The following SGCZ variants were observed in gnomAD, a reference collection of about 807,000 sequenced individuals.
SGCZ encodes sarcoglycan zeta.
In SGCZ, 40 loss-of-function variants were observed where a neutral mutation model predicts 41.3. The observed-to-expected ratio is 0.97, with a 90% CI of 0.75 to 1.26. The LOEUF is 1.26. Ranked by LOEUF, SGCZ falls within the 50% of genes most tolerant of loss-of-function variation. SGCZ has a pLI of 0.00. For synonymous variants in SGCZ, 206 were observed against 137.5 expected (o/e 1.50, Z -3.49); for missense variants, 552 against 369.8 (o/e 1.49, Z -4.04).
In SGCZ at chr8:14,127,802, G is replaced by C. The variant is rs905858073; in HGVS notation, c.548-19567C>G. On this transcript the variant is annotated intron_variant, in intron 5 of 7. Coordinates refer to ENST00000382080, the MANE Select transcript of SGCZ (RefSeq NM_139167.4). ...TTATTTTATAATTGGAGATACATGT[G>C]AAGGGTTATTACATAGGTAAACTCA... Among the ~76,000 whole-genome samples, 7 of 152,168 alleles carry C rather than the reference G, an allele frequency of 4.6e-5. No individual in the cohort carries two copies. In the South Asian group the frequency reaches 1.5e-3, roughly 32 times the overall value.
At chr8:14,920,357 C>T (rs1799554394) in intron 1 of SGCZ, among the ~76,000 whole-genome samples, 1 of 152,174 alleles carries the variant, frequency 6.6e-6, no homozygotes, top group South Asian at 2.1e-4. Flanking sequence ...CACTGTCTGC[C>T]TTACAAAGAA....
chr8:14,690,242 T>C (rs1462481181), intron 1 of SGCZ: 1 of 152,074 alleles, frequency 6.6e-6, no homozygotes, highest in Non-Finnish European at 1.5e-5. Context: ...AAATAATTCG[T>C]ATATCTTAAG....
In SGCZ at chr8:14,965,692, G is replaced by A. The variant is rs76144078; in HGVS notation, c.39+271893C>T. Among the ~76,000 whole-genome samples, 363 of 152,028 alleles carry A rather than the reference G, an allele frequency of 2.4e-3. 5 individuals carry two copies. The East Asian group carries it at 0.025, about 10-fold the overall frequency. ...CATTAAGTGGAGAAAATATAATATGGACAATTTGAATAATACTACCAATAA... is the reference window on the plus strand; with the variant it reads ...CATTAAGTGGAGAAAATATAATATGAACAATTTGAATAATACTACCAATAA... On this transcript the variant is annotated intron_variant, in intron 1 of 7. Transcript: ENST00000382080.
At chr8:14,784,868 C>G (rs1800704922) in intron 1 of SGCZ, among the ~76,000 whole-genome samples, 1 of 118,794 alleles carries the variant, frequency 8.4e-6, no homozygotes, top group African/African-American at 3.3e-5. Context: ...TGCCATTGCA[C>G]TCCAACTTGG....
intron 3 of SGCZ, among the ~76,000 whole-genome samples, chr8:14,305,305 T>C (rs1466655698): frequency 1.3e-5 from 2 of 152,082 alleles, no homozygotes; most frequent in African/African-American, 4.8e-5. Context: ...GCCACAGAAA[T>C]AACATTTTTT....
At chr8:14,546,402 A>T (rs1378963805) in intron 2 of SGCZ, among the ~76,000 whole-genome samples, 2 of 152,218 alleles carry the variant, frequency 1.3e-5, no homozygotes, top group Admixed American at 6.5e-5. Context: ...CTACTCAGCA[A>T]AATATAGTTT....
At chr8:15,159,883 G>T (rs1799459584) in intron 1 of SGCZ, among the ~76,000 whole-genome samples, 1 of 151,504 alleles carries the variant, frequency 6.6e-6, no homozygotes, top group South Asian at 2.1e-4. Context: ...AAATTAAGTT[G>T]CAAATGGTAA....
At chr8:14,283,194 T>A (rs1311896611) in intron 3 of SGCZ, among the ~76,000 whole-genome samples, 2 of 151,976 alleles carry the variant, frequency 1.3e-5, no homozygotes, top group Non-Finnish European at 2.9e-5. Context: ...CGATATAGAT[T>A]AAAAAAATAC....
At chr8:14,377,864 A>G (rs951240835) in intron 2 of SGCZ, among the ~76,000 whole-genome samples, 77 of 151,620 alleles carry the variant, frequency 5.1e-4, no homozygotes, top group African/African-American at 1.8e-3. Flanking sequence ...TGAACTCATC[A>G]TTTTTTATGG....
intron 1 of SGCZ, among the ~76,000 whole-genome samples, chr8:14,982,454 T>A (rs1197699086): frequency 6.6e-6 from 1 of 152,014 alleles, no homozygotes; most frequent in African/African-American, 2.4e-5. Context: ...GTAATGAGAG[T>A]GTAATTGTAT....
chr8:15,230,703 G>C (rs1230668806), intron 1 of SGCZ, among the ~76,000 whole-genome samples: 1 of 152,164 alleles, frequency 6.6e-6, no homozygotes, highest in African/African-American at 2.4e-5. Flanking sequence ...TACAGTTCTT[G>C]CCATGGTCCC....
At chr8:14,961,360 G>A (rs923212660) in intron 1 of SGCZ, among the ~76,000 whole-genome samples, 4 of 152,068 alleles carry the variant, frequency 2.6e-5, no homozygotes, top group African/African-American at 4.8e-5. Context: ...AAATGCAAGC[G>A]ATAAAAGTTA....
At chr8:14,855,900 A>G (rs2130666542) in intron 1 of SGCZ, among the ~76,000 whole-genome samples, 1 of 152,314 alleles carries the variant, frequency 6.6e-6, no homozygotes, top group Non-Finnish European at 1.5e-5. Flanking sequence ...TAAGACCACA[A>G]AAGGAAAAGA....
At chr8:15,082,156 G>C (rs139346751) in intron 1 of SGCZ, among the ~76,000 whole-genome samples, 4,135 of 151,988 alleles carry the variant, frequency 0.027, 176 homozygotes, top group African/African-American at 0.095. Context: ...TTGAACCCAG[G>C]AGGCAGAGTT....
chr8:14,721,182 C>G (rs936928913), intron 1 of SGCZ, among the ~76,000 whole-genome samples: 48 of 152,126 alleles, frequency 3.2e-4, no homozygotes, highest in African/African-American at 1.1e-3. Flanking sequence ...CCCTGAACCT[C>G]TTCTTTGTTA....
At chr8:15,040,939 A>T (rs919621007) in intron 1 of SGCZ, among the ~76,000 whole-genome samples, 1 of 152,154 alleles carries the variant, frequency 6.6e-6, no homozygotes, top group African/African-American at 2.4e-5. Flanking sequence ...GATAAAAGGT[A>T]AAAAAGTGTC....
At chr8:14,523,266 T>C (rs1378618042) in intron 2 of SGCZ, among the ~76,000 whole-genome samples, 3 of 152,060 alleles carry the variant, frequency 2.0e-5, no homozygotes, top group Non-Finnish European at 4.4e-5. Flanking sequence ...GTGTTCATTC[T>C]TACTCTTGAT....
intron 1 of SGCZ, among the ~76,000 whole-genome samples, chr8:14,728,713 A>C (rs540974968): frequency 5.9e-5 from 9 of 152,314 alleles, no homozygotes; most frequent in African/African-American, 2.2e-4. Flanking sequence ...CAAATTTAGC[A>C]ATATGATATT....
intron 2 of SGCZ, among the ~76,000 whole-genome samples, chr8:14,415,657 A>C (rs1026991301): frequency 1.4e-4 from 21 of 152,104 alleles, no homozygotes; most frequent in African/African-American, 5.1e-4. Context: ...TAACTCCTTA[A>C]GAAAAAAGTG....
Sources: gnomAD v4.1 joint callset for allele counts (sites outside exome capture counted in the v4.1 genomes callset) on GRCh38, gnomAD v4.1.1 for gene constraint, MANE v1.5 for transcripts, NCBI Gene and HGNC (gene_info 2026-07-23, HGNC 2026-07-21) for gene names.